Variants in FDFT1 observed in about 807,000 individuals in gnomAD.
The protein encoded by FDFT1 is squalene synthase.
FDFT1 carries 68 observed loss-of-function variants against 46.8 expected under a neutral mutation model. The observed-to-expected ratio is 1.45, with a 90% CI of 1.19 to 1.78. The LOEUF (loss-of-function observed/expected upper bound fraction) is 1.78, where lower values mean the gene tolerates loss of function less well. FDFT1 is among the 40% of genes most tolerant of loss of function. The pLI is 0.00. For missense variants in FDFT1, 928 were observed against 524.4 expected, an observed-to-expected ratio of 1.77 and a Z score of -7.52; for synonymous variants, 351 against 185.1, an observed-to-expected ratio of 1.90 and a Z score of -7.28.
intron 7 of FDFT1, among the ~76,000 whole-genome samples, chr8:11,832,902 C>G (rs1384243155): frequency 2.0e-5 from 3 of 152,184 alleles, no homozygotes; most frequent in East Asian, 3.8e-4. Flanking sequence ...GTGCATCCGT[C>G]TAGTCCCCCT....
chr8:11,825,058 G>A (rs941634720), intron 4 of FDFT1, among the ~76,000 whole-genome samples: 1 of 152,160 alleles, frequency 6.6e-6, no homozygotes, highest in Non-Finnish European at 1.5e-5. Context: ...TCTTAAAACC[G>A]TGTCAAGAAC....
chr8:11,808,386 G>A (rs1347356487), intron 1 of FDFT1: 15 of 1,235,176 alleles, frequency 1.2e-5, no homozygotes, highest in East Asian at 6.3e-5. Flanking sequence ...CTGCGGGGCT[G>A]CGGGGCGGGC....
At chr8:11,812,271 C>G (rs940981619) in intron 3 of FDFT1, among the ~76,000 whole-genome samples, 8 of 152,362 alleles carry the variant, frequency 5.3e-5, no homozygotes, top group African/African-American at 1.9e-4. Context: ...ACGTCTGCGT[C>G]CGCACAGTCT....
chr8:11,802,454 G>C (rs1348468295), upstream of FDFT1: 1 of 464,580 alleles, frequency 2.2e-6, no homozygotes, highest in Non-Finnish European at 4.3e-6. Flanking sequence ...CTCCCAGCCG[G>C]GGTAAGCGGA....
intron 3 of FDFT1, among the ~76,000 whole-genome samples, chr8:11,815,175 ATG>A (rs1808280061): frequency 6.6e-6 from 1 of 152,178 alleles, no homozygotes; most frequent in Non-Finnish European, 1.5e-5. Flanking sequence ...AGCTTCATCC[ATG>A]TCCCTGCAAA....
upstream of FDFT1, chr8:11,802,228 G>C: frequency 2.6e-6 from 1 of 390,018 alleles, no homozygotes; most frequent in South Asian, 1.9e-5. Flanking sequence ...CGCCCAGCTT[G>C]GCGCTGGCCC....
At chr8:11,830,582 C>T (rs994621343) in intron 6 of FDFT1, among the ~76,000 whole-genome samples, 162 bp downstream of exon 6, 11 of 152,180 alleles carry the variant, frequency 7.2e-5, no homozygotes, top group African/African-American at 2.7e-4. Flanking sequence ...TTGCTTCCAG[C>T]CACCAAACTC....
intron 7 of FDFT1, among the ~76,000 whole-genome samples, chr8:11,836,987 A>G (rs1811627045): frequency 6.6e-6 from 1 of 152,240 alleles, no homozygotes; most frequent in African/African-American, 2.4e-5. Context: ...AAAACTACAG[A>G]TGGTCCATTT....
In FDFT1 at chr8:11,829,260, C is replaced by T. The variant is rs145963598; in HGVS notation, c.703-984C>T. Among the ~76,000 whole-genome samples the T allele has an allele frequency of 3.3e-3, 501 of 152,312 alleles. 1 individual carries two copies. The highest frequency in any genetic ancestry group is 5.4e-3 in the Admixed American group (82 of 15,294). Reference sequence around the variant, plus strand: ...TATTTTTAAGTCTATTATTCAGTGGCATTAAGTACATTAATGATGTTATAT... The same window carrying T: ...TATTTTTAAGTCTATTATTCAGTGGTATTAAGTACATTAATGATGTTATAT... On this transcript the variant is annotated intron_variant, in intron 5 of 7. Transcript: ENST00000220584.
At chr8:11,828,886 C>T (rs549233115) in intron 5 of FDFT1, among the ~76,000 whole-genome samples, 1 of 152,314 alleles carries the variant, frequency 6.6e-6, no homozygotes, top group Non-Finnish European at 1.5e-5. Context: ...TGTGGATAGA[C>T]CACATTTATC....
intron 4 of FDFT1, among the ~76,000 whole-genome samples, chr8:11,825,257 C>T (rs1168219579): frequency 1.3e-5 from 2 of 151,998 alleles, no homozygotes; most frequent in Non-Finnish European, 2.9e-5. Flanking sequence ...TATTGTAAAG[C>T]TAGGGCGGGC....
At chr8:11,796,778 A>C (rs1805603577) in intron 1 of FDFT1, among the ~76,000 whole-genome samples, 1 of 152,232 alleles carries the variant, frequency 6.6e-6, no homozygotes, top group Non-Finnish European at 1.5e-5. Flanking sequence ...AGGACAGGCA[A>C]GCCCCAAATT....
In FDFT1 at chr8:11,821,839, T is replaced by C. The variant is rs1383144979; in HGVS notation, c.471T>C (p.Phe157=). Residue 157 remains phenylalanine (F), a synonymous_variant, in exon 4 of 8, where the codon TTT becomes TTC. Transcript: ENST00000220584. The stretch of plus-strand genomic sequence containing the variant: ...GAATGGGCATTGGGATGGCAGAGTT[T>C]TTGGATAAGCATGTGACCTCTGAAC... ...CRRMGIGMAE[F]LDKHVTSEQE... 6.2e-7 allele frequency: 1 copy of C among 1,613,650 alleles called. No homozygotes were observed. The highest frequency in any genetic ancestry group is 8.5e-7 in the Non-Finnish European group (1 of 1,179,638).
chr8:11,802,382 C>A (rs975144379), upstream of FDFT1: 5 of 455,314 alleles, frequency 1.1e-5, no homozygotes, highest in South Asian at 3.1e-5. Flanking sequence ...CTGCGGACCA[C>A]CGTTGGGCTC....
At chr8:11,810,346 G>A (rs1241879169) in intron 3 of FDFT1, among the ~76,000 whole-genome samples, 1 of 152,194 alleles carries the variant, frequency 6.6e-6, no homozygotes, top group South Asian at 2.1e-4. Context: ...CCCGGAGCCT[G>A]GTAGCATGGG....
Position 11,821,759 on chromosome 8 carries a change from G to A in FDFT1, c.391G>A (p.Glu131Lys), listed in dbSNP as rs1239770321. The A allele has an allele frequency of 2.5e-6, 4 of 1,613,034 alleles. No homozygotes were observed. The highest frequency in any genetic ancestry group is 3.4e-6 in the Non-Finnish European group (4 of 1,179,370). Residue 131 changes from glutamate to lysine, a missense_variant, in exon 4 of 8, where the codon GAG becomes AAG. Glu to Lys is a moderately conservative substitution (Grantham distance 56). Coordinates refer to ENST00000220584, the MANE Select transcript of FDFT1 (RefSeq NM_004462.5). ...VLEDFPTISLEFRNLAEKYQT... is the reference protein window; with the variant it reads ...VLEDFPTISLKFRNLAEKYQT... ...ACGGTTTCCATTTCAGATCTCCCTT[G>A]AGTTTAGAAATCTGGCTGAGAAATA...
upstream of FDFT1, among the ~76,000 whole-genome samples, chr8:11,798,784 C>T (rs1052241029): frequency 6.6e-6 from 1 of 152,176 alleles, no homozygotes; most frequent in African/African-American, 2.4e-5. Flanking sequence ...GGGCACTATT[C>T]CAGATGGTTG....
Position 11,812,263 on chromosome 8 carries a change from G to A in FDFT1, c.381+2413G>A, listed in dbSNP as rs951713771. Reference sequence around the variant, plus strand: ...CCTTGCCCCAAATCCCTGAGCCCACGTCTGCGTCCGCACAGTCTATTTCCT... The same window carrying A: ...CCTTGCCCCAAATCCCTGAGCCCACATCTGCGTCCGCACAGTCTATTTCCT... On this transcript the variant is annotated intron_variant, in intron 3 of 7. Transcript: ENST00000220584. Among the ~76,000 whole-genome samples, 10 of 152,198 alleles carry A rather than the reference G, an allele frequency of 6.6e-5. No homozygotes were observed. In the East Asian group the frequency reaches 7.7e-4, roughly 12 times the overall value.
At chr8:11,809,984 C>T (rs1807476520) in intron 3 of FDFT1, 134 bp downstream of exon 3, 3 of 657,770 alleles carry the variant, frequency 4.6e-6, no homozygotes, top group South Asian at 4.7e-5. Flanking sequence ...GGGTTAAAAA[C>T]TCCGGTAGCC....
Sources: allele counts gnomAD v4.1 joint callset (sites outside exome capture counted in the v4.1 genomes callset), GRCh38; gene constraint gnomAD v4.1.1; transcripts MANE v1.5; gene names NCBI Gene and HGNC (gene_info 2026-07-23, HGNC 2026-07-21).